The following NRG3 variants were observed in gnomAD, a reference collection of about 807,000 sequenced individuals.
NRG3 encodes neuregulin 3.
A neutral mutation model predicts 66.9 loss-of-function variants in NRG3; 31 were observed. That is an observed-to-expected ratio of 0.46 (90% CI 0.35 to 0.63). NRG3 has a LOEUF of 0.63. Among genes scored for constraint, NRG3 ranks in the 20% least tolerant of loss-of-function variants. NRG3 has a pLI of 0.00. For missense variants in NRG3, 910 were observed against 878.9 expected, an observed-to-expected ratio of 1.04 and a Z score of -0.45; for synonymous variants, 393 against 359.4, an observed-to-expected ratio of 1.09 and a Z score of -1.06.
intron 1 of NRG3, among the ~76,000 whole-genome samples, chr10:82,348,953 C>G (rs2083219832): frequency 6.7e-6 from 1 of 148,192 alleles, no homozygotes; most frequent in Admixed American, 6.7e-5. Context: ...ATTGGTTATT[C>G]TAGTTATACA....
rs1851992301 is a variant in NRG3 at position 82,973,777 on chromosome 10, AT to A, written c.1285-8del. Reference sequence around the variant, plus strand: ...CCTTCGTCTCAACTCTGTACGTGTGATTTCCCACAGTATTCAAAGGTGGAAA... The same window carrying A: ...CCTTCGTCTCAACTCTGTACGTGTGATTCCCACAGTATTCAAAGGTGGAAA... On this transcript the variant is annotated splice_polypyrimidine_tract_variant and intron_variant, in intron 6 of 8. Coordinates refer to ENST00000372141, the MANE Select transcript of NRG3 (RefSeq NM_001010848.4). The A allele has an allele frequency of 6.2e-7, 1 of 1,613,788 alleles. No homozygotes were observed. Among genetic ancestry groups the A allele is most frequent in the African/African-American group, 1.3e-5 (1 of 74,892 alleles).
At chr10:82,325,774 A>G (rs146220429) in intron 1 of NRG3, among the ~76,000 whole-genome samples, 15 of 151,830 alleles carry the variant, frequency 9.9e-5, no homozygotes, top group African/African-American at 3.1e-4. Context: ...TATTATAAGA[A>G]CTCTGCATAG....
At chr10:82,696,572 AT>A (rs2055401779) in intron 2 of NRG3, among the ~76,000 whole-genome samples, 1 of 152,080 alleles carries the variant, frequency 6.6e-6, no homozygotes, top group African/African-American at 2.4e-5. Flanking sequence ...AAATAAGCCA[AT>A]CTTTTTCTGA....
At chr10:82,634,467 G>A (rs1423337125) in intron 2 of NRG3, among the ~76,000 whole-genome samples, 2 of 152,108 alleles carry the variant, frequency 1.3e-5, no homozygotes, top group East Asian at 1.9e-4. Flanking sequence ...ATTAAAAATA[G>A]CATGTCTAGT....
At chr10:82,231,571 T>A (rs1208707994) in intron 1 of NRG3, among the ~76,000 whole-genome samples, 1 of 152,174 alleles carries the variant, frequency 6.6e-6, no homozygotes, top group Non-Finnish European at 1.5e-5. Context: ...GCATTATTTA[T>A]CAAATTTTAA....
At chr10:82,729,040 G>C (rs1338438079) in intron 2 of NRG3, among the ~76,000 whole-genome samples, 1 of 152,088 alleles carries the variant, frequency 6.6e-6, no homozygotes, top group Non-Finnish European at 1.5e-5. Context: ...ACTAAATCAA[G>C]ATTCAGTAAC....
intron 4 of NRG3, among the ~76,000 whole-genome samples, chr10:82,907,880 T>C (rs1844908183): frequency 6.6e-6 from 1 of 152,158 alleles, no homozygotes; most frequent in African/African-American, 2.4e-5. Flanking sequence ...TAAATATATA[T>C]TGATCAAAGC....
intron 4 of NRG3, among the ~76,000 whole-genome samples, chr10:82,892,357 A>G (rs1318474878): frequency 6.6e-6 from 1 of 152,162 alleles, no homozygotes; most frequent in Admixed American, 6.6e-5. Context: ...TCAAAGAGAA[A>G]ACACATAAAA....
At chr10:82,099,406 A>T (rs1415240979) in intron 1 of NRG3, among the ~76,000 whole-genome samples, 1 of 152,182 alleles carries the variant, frequency 6.6e-6, no homozygotes, top group Non-Finnish European at 1.5e-5. Flanking sequence ...AATTGCATTG[A>T]TCCATTTATC....
chr10:82,494,943 T>C (rs1035857005), intron 2 of NRG3, among the ~76,000 whole-genome samples: 1 of 151,986 alleles, frequency 6.6e-6, no homozygotes, highest in African/African-American at 2.4e-5. Context: ...CTTTTTTCTT[T>C]TTTTTTTTAA....
intron 3 of NRG3, among the ~76,000 whole-genome samples, chr10:82,760,924 A>G (rs1044502951): frequency 3.9e-5 from 6 of 152,054 alleles, no homozygotes; most frequent in African/African-American, 1.2e-4. Flanking sequence ...TAAAAATATC[A>G]TATTCCCAAC....
At chr10:82,489,890 T>C (rs1842958853) in intron 2 of NRG3, among the ~76,000 whole-genome samples, 1 of 152,188 alleles carries the variant, frequency 6.6e-6, no homozygotes, top group Admixed American at 6.5e-5. Context: ...ATATAAACCC[T>C]TTCTGTGCAT....
rs532615994 is a variant in NRG3 at position 82,650,427 on chromosome 10, CA to C, written c.954-88145del. Among the ~76,000 whole-genome samples, 356 of 151,296 alleles carry C rather than the reference CA, an allele frequency of 2.4e-3. 1 individual carries two copies. The highest frequency in any genetic ancestry group is 4.1e-3 in the Non-Finnish European group (275 of 67,786). ...TTATAGCATCTCACTAAGAAGGAAA[CA>C]AAAACAAAAAAAAACACCTAATGTT... On this transcript the variant is annotated intron_variant, in intron 2 of 8. Transcript: ENST00000372141.
rs538623534 is a variant in NRG3, at chr10:82,036,152, T to C, written c.823+159989T>C. ...AGAGATCTGGGCCCACTCACAAGGG[T>C]TTTTAAGAATCAGGAGATGGTAATT... On this transcript the variant is annotated intron_variant, in intron 1 of 8. Coordinates refer to ENST00000372141, the MANE Select transcript of NRG3 (RefSeq NM_001010848.4). Among the ~76,000 whole-genome samples, 90 of 151,728 alleles carry C rather than the reference T, an allele frequency of 5.9e-4. 1 individual carries two copies. In the South Asian group the frequency reaches 0.01, roughly 18 times the overall value.
At chr10:82,594,636 A>C (rs781567509) in intron 2 of NRG3, among the ~76,000 whole-genome samples, 5 of 152,196 alleles carry the variant, frequency 3.3e-5, no homozygotes, top group Non-Finnish European at 7.3e-5. Context: ...TGAATACATT[A>C]GTTTATTGAA....
intron 2 of NRG3, among the ~76,000 whole-genome samples, chr10:82,367,859 G>A (rs1320577344): frequency 1.3e-5 from 2 of 152,092 alleles, no homozygotes; most frequent in African/African-American, 4.8e-5. Flanking sequence ...GCCAGGTGTG[G>A]TGATGCATGC....
At chr10:82,233,382 A>T (rs1415686750) in intron 1 of NRG3, among the ~76,000 whole-genome samples, 1 of 152,170 alleles carries the variant, frequency 6.6e-6, no homozygotes, top group Admixed American at 6.5e-5. Flanking sequence ...AAACAAAACA[A>T]AACAAAAAAA....
intron 7 of NRG3, among the ~76,000 whole-genome samples, chr10:82,977,436 T>G (rs903315536): frequency 1.3e-5 from 2 of 151,708 alleles, no homozygotes; most frequent in African/African-American, 4.8e-5. Flanking sequence ...TGGTGAAACC[T>G]CATCTCTACT....
At chr10:82,675,458 C>T (rs973426408) in intron 2 of NRG3, among the ~76,000 whole-genome samples, 7 of 152,164 alleles carry the variant, frequency 4.6e-5, no homozygotes, top group Non-Finnish European at 4.4e-5. Context: ...CCCGAAAAGA[C>T]ATTTCAAAAG....
Sources: allele counts gnomAD v4.1 joint callset (sites outside exome capture counted in the v4.1 genomes callset), GRCh38; gene constraint gnomAD v4.1.1; transcripts MANE v1.5; gene names NCBI Gene and HGNC (gene_info 2026-07-23, HGNC 2026-07-21).